The following ASTN2 variants were observed in gnomAD, a reference collection of about 807,000 sequenced individuals.
ASTN2 encodes astrotactin 2, also known as astrotactin-2.
In ASTN2, 54 loss-of-function variants were observed where a neutral mutation model predicts 139.8. The ratio of observed to expected loss-of-function variants is 0.39; its 90% CI spans 0.31 to 0.48. The LOEUF (loss-of-function observed/expected upper bound fraction) is 0.48. Ranked by LOEUF, ASTN2 falls within the 20% of genes least tolerant of loss-of-function variation. ASTN2 has a pLI of 0.95. For missense variants in ASTN2, 1,565 were observed against 1,725.1 expected (o/e 0.91, Z 1.64); for synonymous variants, 756 against 719.5 (o/e 1.05, Z -0.81).
intron 20 of ASTN2, among the ~76,000 whole-genome samples, chr9:116,477,637 G>A (rs1406571062): frequency 6.6e-6 from 1 of 151,980 alleles, no homozygotes. Flanking sequence ...CTGAGCAAGA[G>A]AGGGACTGAG....
At chr9:117,181,023 C>A in intron 3 of ASTN2, 1 of 1,580,788 alleles carries the variant, frequency 6.3e-7, no homozygotes, top group Non-Finnish European at 8.6e-7. Flanking sequence ...GGAGCCTGCA[C>A]TGGGGTAGCG....
At chr9:117,271,921 T>C (rs1409841742) in intron 2 of ASTN2, among the ~76,000 whole-genome samples, 1 of 152,188 alleles carries the variant, frequency 6.6e-6, no homozygotes, top group Non-Finnish European at 1.5e-5. Flanking sequence ...CCAGGTGCAC[T>C]GCACAAGCTG....
At chr9:116,791,015 G>A (rs377187109) in intron 13 of ASTN2, among the ~76,000 whole-genome samples, 4 of 126,996 alleles carry the variant, frequency 3.1e-5, no homozygotes, top group Admixed American at 8.3e-5. Flanking sequence ...AAGAAAGAAA[G>A]AAAGAAAGAA....
At chr9:116,733,166 C>G (rs1828833525) in intron 14 of ASTN2, among the ~76,000 whole-genome samples, 1 of 152,212 alleles carries the variant, frequency 6.6e-6, no homozygotes, top group South Asian at 2.1e-4. Context: ...CACAGAGGAA[C>G]CTCCTCTCAA....
At chr9:116,665,771 A>G (rs1027530709) in intron 16 of ASTN2, among the ~76,000 whole-genome samples, 2 of 152,218 alleles carry the variant, frequency 1.3e-5, no homozygotes, top group African/African-American at 4.8e-5. Context: ...GAAAACAATA[A>G]TAATTGCAAT....
rs143186354 is a variant in ASTN2 at position 116,699,635 on chromosome 9, G to A, written c.2806+26136C>T. 6.2e-7 allele frequency: 1 copy of A among 1,614,208 alleles called. No individual in the cohort carries two copies. Among genetic ancestry groups the A allele is most frequent in the Non-Finnish European group, 8.5e-7 (1 of 1,180,036 alleles). On this transcript the variant is annotated intron_variant, in intron 16 of 22. Transcript: ENST00000313400. This position sits in a 1 kb window ranked among gnomAD's most constrained non-coding sequence, Gnocchi z 4.2. ...CCCTAACTCCTAAGGGGCAGCTGCT[G>A]GTCTTGGACTGTTGGGATCATTGCA...
intron 10 of ASTN2, among the ~76,000 whole-genome samples, chr9:116,930,262 T>G (rs1834861606): frequency 1.3e-5 from 2 of 152,140 alleles, no homozygotes; most frequent in Non-Finnish European, 2.9e-5. Flanking sequence ...CTGCAGTTTC[T>G]TGGAAGGTGA....
chr9:117,237,353 T>C (rs1393062771), intron 2 of ASTN2, among the ~76,000 whole-genome samples: 2 of 152,146 alleles, frequency 1.3e-5, no homozygotes, highest in Non-Finnish European at 2.9e-5. Flanking sequence ...GATGAAGCCT[T>C]TGGGACCTCC....
intron 4 of ASTN2, among the ~76,000 whole-genome samples, chr9:117,103,947 A>C (rs1161461985): frequency 2.0e-5 from 3 of 152,194 alleles, no homozygotes; most frequent in Non-Finnish European, 4.4e-5. Flanking sequence ...AGATGTTTTG[A>C]CCACAACTGC....
Position 116,490,303 on chromosome 9 carries a change from A to AGG in ASTN2, c.3356-2805_3356-2804dup, listed in dbSNP as rs1429567296. Among the ~76,000 whole-genome samples the AGG allele has an allele frequency of 1.6e-4, 17 of 104,578 alleles. No individual in the cohort carries two copies. The South Asian group carries it at 2.4e-3, about 15-fold the overall frequency. The allele number at this position is 104,578 out of a possible 152,430, so 68.6% of individuals were successfully genotyped here. On this transcript the variant is annotated intron_variant, in intron 19 of 22. Coordinates refer to ENST00000313400, the MANE Select transcript of ASTN2 (RefSeq NM_001365068.1). ...AAAAAAAAAAAAAAAAAAAAAAAAA[A>AGG]GGGGGCATTGGTGGTGAGGGTGAGG...
intron 19 of ASTN2, chr9:116,583,629 G>A (rs924726145): frequency 6.6e-6 from 1 of 151,532 alleles, no homozygotes; most frequent in Non-Finnish European, 1.5e-5. Context: ...GAGAGGAAAA[G>A]CAACTTTCCA....
At chr9:116,494,697 A>G (rs541969547) in intron 19 of ASTN2, among the ~76,000 whole-genome samples, 1 of 152,320 alleles carries the variant, frequency 6.6e-6, no homozygotes, top group East Asian at 1.9e-4. Flanking sequence ...AATTCGATAA[A>G]ACCTAATGAA....
chr9:117,083,732 CT>C (rs1828489117), intron 5 of ASTN2, among the ~76,000 whole-genome samples: 1 of 152,154 alleles, frequency 6.6e-6, no homozygotes, highest in Admixed American at 6.5e-5. Flanking sequence ...CTGATTATTC[CT>C]TCTCGCTAGT....
intron 5 of ASTN2, among the ~76,000 whole-genome samples, chr9:117,076,401 A>G (rs1828281358): frequency 6.6e-6 from 1 of 151,090 alleles, no homozygotes; most frequent in Non-Finnish European, 1.5e-5. Flanking sequence ...AGAAGGAAGG[A>G]GAAAAAGAGG....
chr9:116,560,660 T>C (rs1242054693), intron 19 of ASTN2, among the ~76,000 whole-genome samples: 1 of 152,200 alleles, frequency 6.6e-6, no homozygotes, highest in Non-Finnish European at 1.5e-5. Context: ...TGTCTCCTAC[T>C]AGACTGCAAG....
At chr9:116,968,651 C>A (rs1836088373) in intron 10 of ASTN2, among the ~76,000 whole-genome samples, 1 of 152,108 alleles carries the variant, frequency 6.6e-6, no homozygotes, top group Non-Finnish European at 1.5e-5. Context: ...GGAATCCCAA[C>A]ACTTTGGAAG....
At chr9:117,028,016 A>C (rs1465412220) in intron 6 of ASTN2, among the ~76,000 whole-genome samples, 1 of 151,786 alleles carries the variant, frequency 6.6e-6, no homozygotes, top group Admixed American at 6.6e-5. Flanking sequence ...TTTAAACCTG[A>C]GGATTTAAGA....
At chr9:117,413,308 G>A (rs1012777315) in intron 1 of ASTN2, among the ~76,000 whole-genome samples, 17 of 152,364 alleles carry the variant, frequency 1.1e-4, no homozygotes, top group South Asian at 2.1e-4. Context: ...GGATCGTAAA[G>A]GTTCTCACCT....
At chr9:116,806,456 G>C (rs977626195) in intron 12 of ASTN2, among the ~76,000 whole-genome samples, 2 of 152,204 alleles carry the variant, frequency 1.3e-5, no homozygotes, top group African/African-American at 2.4e-5. Context: ...ATCTCAGAGA[G>C]GCATGGGCTG....
Sources: gnomAD v4.1 joint callset for allele counts (sites outside exome capture counted in the v4.1 genomes callset) on GRCh38, gnomAD v4.1.1 for gene constraint, Gnocchi (gnomAD v3.1) non-coding constraint, MANE v1.5 for transcripts, NCBI Gene and HGNC (gene_info 2026-07-23, HGNC 2026-07-21) for gene names.